The following FOXP2 variants were observed in gnomAD, a reference collection of about 807,000 sequenced individuals.
The protein encoded by FOXP2 is forkhead box P2.
FOXP2 carries 12 observed loss-of-function variants against 115.8 expected under a neutral mutation model. The observed-to-expected ratio is 0.10, with a 90% CI of 0.07 to 0.17. The LOEUF (loss-of-function observed/expected upper bound fraction) is 0.17, where lower values mean the gene tolerates loss of function less well. Among genes scored for constraint, FOXP2 ranks in the 10% least tolerant of loss-of-function variants. FOXP2 has a pLI of 1.00. For synonymous variants in FOXP2, 328 were observed against 297.7 expected (o/e 1.10, Z -1.05); for missense variants, 629 against 843.5 (o/e 0.75, Z 3.15).
In FOXP2 at chr7:114,371,820, A is replaced by G. The variant is rs530303669; in HGVS notation, c.-10-54682A>G. Among the ~76,000 whole-genome samples, 8 of 152,276 alleles carry G rather than the reference A, an allele frequency of 5.3e-5. No homozygotes were observed. In the South Asian group the frequency reaches 1.7e-3, roughly 32 times the overall value. On this transcript the variant is annotated intron_variant, in intron 2 of 17. Transcript: ENST00000634411. ...TACCTTTTTTATGTAATGTACTTCT[A>G]TTTTTATACAGTTACCAAAGTGAGA...
At chr7:114,466,513 C>T (rs1795804685) in intron 2 of FOXP2, among the ~76,000 whole-genome samples, 1 of 152,148 alleles carries the variant, frequency 6.6e-6, no homozygotes, top group Admixed American at 6.5e-5. Context: ...ATTGGAGATT[C>T]TTGTAAATCT....
rs1350955710 is a variant in FOXP2, at chr7:114,631,525, C to G, written c.598-3C>G. 1 of 1,397,896 alleles carries G rather than the reference C, an allele frequency of 7.2e-7. No individual in the cohort carries two copies. Among genetic ancestry groups the G allele is most frequent in the Non-Finnish European group, 9.5e-7 (1 of 1,052,642 alleles). The allele number at this position is 1,397,896 out of a possible 1,614,324, so 86.6% of individuals were successfully genotyped here. A position where few individuals can be genotyped will look rare whatever the true frequency, so the allele number is the denominator to read the frequency against. ...TTTACTGGTTTGGGTTTTCTGATAC[C>G]AGCAGCAGCAGCAGCAGCAGCAGCA... is the stretch of plus-strand genomic sequence containing the variant. On this transcript the variant is annotated splice_region_variant and splice_polypyrimidine_tract_variant and intron_variant, in intron 5 of 16. Transcript: ENST00000350908.
intron 2 of FOXP2, among the ~76,000 whole-genome samples, chr7:114,340,062 T>C (rs1425582045): frequency 6.6e-6 from 1 of 151,214 alleles, no homozygotes; most frequent in Admixed American, 6.6e-5. Flanking sequence ...GTCCAATCTC[T>C]ATAATCAATT....
intron 1 of FOXP2, among the ~76,000 whole-genome samples, chr7:114,138,095 T>G (rs1408043400): frequency 6.6e-6 from 1 of 152,116 alleles, no homozygotes; most frequent in Non-Finnish European, 1.5e-5. Context: ...ATTAAATACA[T>G]AAATAAATAA....
At chr7:114,097,312 G>A (rs1217167422) in intron 1 of FOXP2, among the ~76,000 whole-genome samples, 3 of 152,036 alleles carry the variant, frequency 2.0e-5, no homozygotes, top group Non-Finnish European at 4.4e-5. Context: ...CTAGTTCCTG[G>A]TAACCACTAA....
At chr7:114,616,041 C>T (rs572051217) in intron 3 of FOXP2, among the ~76,000 whole-genome samples, 2 of 152,108 alleles carry the variant, frequency 1.3e-5, no homozygotes, top group Non-Finnish European at 2.9e-5. Flanking sequence ...TGAATTATTT[C>T]TCTTACATTA....
At chr7:114,291,909 G>GAATATATATTATAGATAATATATAT (rs1796606159) in intron 2 of FOXP2, among the ~76,000 whole-genome samples, 1 of 136,328 alleles carries the variant, frequency 7.3e-6, no homozygotes, top group Non-Finnish European at 1.5e-5. Context: ...ATAATATATA[G>GAATATATATTATAGATAATATATAT]AATATATATT....
intron 2 of FOXP2, among the ~76,000 whole-genome samples, chr7:114,364,199 G>A (rs899920799): frequency 1.4e-4 from 22 of 151,992 alleles, no homozygotes; most frequent in Non-Finnish European, 2.9e-4. Context: ...ACAGTGTTTC[G>A]GCTTGGTGAG....
chr7:114,534,534 A>C, intron 2 of FOXP2, 83 bp from the exon 3 acceptor site: 2 of 1,087,440 alleles, frequency 1.8e-6, no homozygotes, highest in Middle Eastern at 2.0e-4. Context: ...TTGTACATTG[A>C]AGCCTTTTAC....
At chr7:114,354,018 G>A (rs1245833858) in intron 2 of FOXP2, among the ~76,000 whole-genome samples, 1 of 152,102 alleles carries the variant, frequency 6.6e-6, no homozygotes, top group Admixed American at 6.6e-5. Flanking sequence ...TCTGGAGAAG[G>A]TTAGCTTTTG....
At chr7:114,290,212 A>T (rs1562856116) in intron 2 of FOXP2, among the ~76,000 whole-genome samples, 1 of 149,678 alleles carries the variant, frequency 6.7e-6, no homozygotes, top group Non-Finnish European at 1.5e-5. Flanking sequence ...TTTTCAAACA[A>T]TTTTTTTTTT....
At chr7:114,584,910 G>A (rs1449923322) in intron 3 of FOXP2, among the ~76,000 whole-genome samples, 1 of 152,168 alleles carries the variant, frequency 6.6e-6, no homozygotes, top group African/African-American at 2.4e-5. Context: ...ATACACACAA[G>A]TGTTTCTAGC....
chr7:114,597,882 C>T (rs1481387277), intron 3 of FOXP2, among the ~76,000 whole-genome samples: 1 of 152,032 alleles, frequency 6.6e-6, no homozygotes, highest in Non-Finnish European at 1.5e-5. Context: ...ACTTGTGCAC[C>T]TACTCAGGAA....
intron 2 of FOXP2, among the ~76,000 whole-genome samples, chr7:114,500,635 G>A (rs1036062873): frequency 6.6e-6 from 1 of 152,092 alleles, no homozygotes; most frequent in African/African-American, 2.4e-5. Flanking sequence ...AGATTTGAGG[G>A]ATTAGATGAA....
At chr7:114,300,649 G>A (rs998301298) in intron 2 of FOXP2, among the ~76,000 whole-genome samples, 8 of 151,902 alleles carry the variant, frequency 5.3e-5, no homozygotes, top group African/African-American at 1.4e-4. Context: ...TAGTAATAAC[G>A]ATTTAATATA....
intron 3 of FOXP2, among the ~76,000 whole-genome samples, chr7:114,605,760 G>A (rs1803285407): frequency 6.6e-6 from 1 of 152,174 alleles, no homozygotes; most frequent in Admixed American, 6.6e-5. Context: ...AGCATGTTGT[G>A]GGGACATGGA....
chr7:114,253,118 A>C (rs959981587), intron 1 of FOXP2, among the ~76,000 whole-genome samples: 1 of 152,148 alleles, frequency 6.6e-6, no homozygotes, highest in African/African-American at 2.4e-5. Context: ...GAGTTTCTTA[A>C]TCCTGAGTTC....
chr7:114,664,622 A>G (rs1807067513), intron 16 of FOXP2, 186 bp downstream of exon 16: 1 of 650,026 alleles, frequency 1.5e-6, no homozygotes, highest in South Asian at 1.9e-5. Flanking sequence ...TTTTTAGATG[A>G]TCTCAAATGC....
chr7:114,509,900 G>A (rs1797990618), intron 2 of FOXP2, among the ~76,000 whole-genome samples: 1 of 150,974 alleles, frequency 6.6e-6, no homozygotes, highest in Non-Finnish European at 1.5e-5. Flanking sequence ...GAGGGAAAGG[G>A]AAAAGAAGAA....
Sources: allele counts gnomAD v4.1 joint callset (sites outside exome capture counted in the v4.1 genomes callset), GRCh38; gene constraint gnomAD v4.1.1; transcripts MANE v1.5; gene names NCBI Gene and HGNC (gene_info 2026-07-23, HGNC 2026-07-21).